ZNF875: variants seen among roughly 807,000 people sequenced by gnomAD.
ZNF875 encodes zinc finger protein 875, also known as HKR1, GLI-Kruppel zinc finger family member.
In ZNF875, 14 loss-of-function variants were observed where a neutral mutation model predicts 11.2. The ratio of observed to expected loss-of-function variants is 1.26; its 90% confidence interval spans 0.83 to 1.96. ZNF875 has a LOEUF of 1.96. ZNF875 is among the 30% of genes most tolerant of loss of function. ZNF875 has a pLI of 0.00. For missense variants in ZNF875, 752 were observed against 760.4 expected (o/e 0.99, Z 0.13); for synonymous variants, 301 against 281.1 (o/e 1.07, Z -0.71).
intron 4 of ZNF875, among the ~76,000 whole-genome samples, chr19:37,355,883 A>G (rs962441176): frequency 6.6e-6 from 1 of 152,194 alleles, no homozygotes; most frequent in East Asian, 1.9e-4. Flanking sequence ...CTATCACCCA[A>G]ATAGTTTACA....
chr19:37,314,811 G>A (rs1354905070), upstream of ZNF875: 2 of 150,048 alleles, frequency 1.3e-5, no homozygotes, highest in Non-Finnish European at 1.5e-5. Context: ...TATTCATCAA[G>A]TATAAAAATG....
At chr19:37,319,368 T>TATATATATATATAA (rs1390266781) in intron 1 of ZNF875, among the ~76,000 whole-genome samples, 1 of 144,020 alleles carries the variant, frequency 6.9e-6, no homozygotes, top group African/African-American at 2.6e-5. Context: ...TATATATATA[T>TATATATATATATAA]AATAAAAATG....
intron 2 of ZNF875, among the ~76,000 whole-genome samples, chr19:37,335,690 C>T (rs1193043461): frequency 1.3e-5 from 2 of 152,164 alleles, no homozygotes; most frequent in African/African-American, 4.8e-5. Context: ...CAACAATAGG[C>T]GCTAGATTTC....
intron 4 of ZNF875, 69 bp downstream of exon 4, chr19:37,347,941 C>T: frequency 2.2e-6 from 2 of 902,794 alleles, no homozygotes; most frequent in Non-Finnish European, 3.7e-6. Context: ...AGGCATCTCT[C>T]AGATACTGGG....
intron 4 of ZNF875, among the ~76,000 whole-genome samples, chr19:37,326,975 C>T (rs953115215): frequency 4.0e-5 from 6 of 151,204 alleles, no homozygotes; most frequent in Middle Eastern, 3.2e-3. Context: ...ACCTAGACAG[C>T]TTATTTTATT....
chr19:37,361,483 T>C (rs1372508190), intron 4 of ZNF875, among the ~76,000 whole-genome samples: 9 of 152,264 alleles, frequency 5.9e-5, no homozygotes, highest in African/African-American at 2.2e-4. Flanking sequence ...TCTTCCTTCC[T>C]TTCTCTTTCT....
chr19:37,352,619 C>T (rs187584494), intron 4 of ZNF875, among the ~76,000 whole-genome samples: 2 of 152,072 alleles, frequency 1.3e-5, no homozygotes, highest in African/African-American at 2.4e-5. Flanking sequence ...TTTTTATTTG[C>T]GTCTTTGTAT....
At chr19:37,347,710 T>C (rs2037079121) in intron 3 of ZNF875, 67 bp from the exon 4 acceptor site, 1 of 983,328 alleles carries the variant, frequency 1.0e-6, no homozygotes, top group Non-Finnish European at 1.6e-6. Flanking sequence ...CCATTTCAGC[T>C]CTGAGTTCTA....
intron 2 of ZNF875, among the ~76,000 whole-genome samples, chr19:37,340,909 A>G (rs1199989819): frequency 6.6e-6 from 1 of 151,878 alleles, no homozygotes; most frequent in African/African-American, 2.4e-5. Context: ...CGGCCTCCCA[A>G]AGTCCTGGGA....
upstream of ZNF875, among the ~76,000 whole-genome samples, chr19:37,330,407 C>G (rs543137765): frequency 4.6e-5 from 7 of 152,304 alleles, no homozygotes; most frequent in East Asian, 1.4e-3. Flanking sequence ...TTGCCTGTCA[C>G]CTTTTACACC....
chr19:37,340,574 G>C (rs1270564613), intron 2 of ZNF875, among the ~76,000 whole-genome samples: 1 of 150,962 alleles, frequency 6.6e-6, no homozygotes, highest in Non-Finnish European at 1.5e-5. Flanking sequence ...CCTGTTGTCT[G>C]ATGTCATGTT....
intron 1 of ZNF875, among the ~76,000 whole-genome samples, chr19:37,319,344 C>CATATATATATATAT (rs146774743): frequency 0.012 from 1,355 of 112,162 alleles, 58 homozygotes; most frequent in African/African-American, 0.049. Flanking sequence ...CTGCAGCCGG[C>CATATATATATATAT]ATATATATAT....
At position 37,349,964 on chromosome 19, in the gene ZNF875, C is replaced by CT. The variant is rs34941573; in HGVS notation, c.256+2111dup. Among the ~76,000 whole-genome samples, 78 of 77,546 alleles carry CT rather than the reference C, an allele frequency of 1.0e-3. 2 individuals are homozygous for CT. The highest frequency in any genetic ancestry group is 2.9e-3 in the African/African-American group (49 of 16,640). 50.9% of individuals were successfully genotyped at this position (77,546 alleles called of 152,430 possible). On this transcript the variant is annotated intron_variant, in intron 4 of 4. Transcript: ENST00000392153. The stretch of plus-strand genomic sequence containing the variant: ...GCCACCACGCCCGGCCCCCACTGGC[C>CT]TTTTTTTTTTTTTTTTTTTAATACA...
intron 4 of ZNF875, among the ~76,000 whole-genome samples, chr19:37,326,519 A>G (rs1027782951): frequency 7.2e-5 from 11 of 152,080 alleles, no homozygotes; most frequent in African/African-American, 2.7e-4. Context: ...ATAACATGTG[A>G]CGTGCCTTTT....
chr19:37,345,152 C>G (rs2036535242), intron 2 of ZNF875: 1 of 176,422 alleles, frequency 5.7e-6, no homozygotes, highest in African/African-American at 2.3e-5. Context: ...GTACAAAAGC[C>G]CCATCCCCTG....
At chr19:37,329,324 C>G (rs998356863) in intron 4 of ZNF875, among the ~76,000 whole-genome samples, 3 of 152,148 alleles carry the variant, frequency 2.0e-5, no homozygotes, top group Non-Finnish European at 4.4e-5. Context: ...TTTTGACATT[C>G]TGGGAAGGGT....
intron 2 of ZNF875, chr19:37,344,534 C>A: frequency 1.5e-6 from 1 of 664,022 alleles, no homozygotes; most frequent in South Asian, 1.7e-5. Context: ...ATGACGAAGT[C>A]TTTTGCTAGA....
chr19:37,323,749 T>C (rs1039355892), intron 3 of ZNF875, among the ~76,000 whole-genome samples: 8 of 152,186 alleles, frequency 5.3e-5, no homozygotes, highest in African/African-American at 1.9e-4. Context: ...TCTTTCTTGA[T>C]GATGTCACTG....
chr19:37,344,400 G>T (rs2036368733), intron 2 of ZNF875, among the ~76,000 whole-genome samples: 1 of 152,170 alleles, frequency 6.6e-6, no homozygotes, highest in Non-Finnish European at 1.5e-5. Context: ...GGATGCTGGT[G>T]CTGCAGGTTC....
Sources: gnomAD v4.1 joint callset for allele counts (sites outside exome capture counted in the v4.1 genomes callset) on GRCh38, gnomAD v4.1.1 for gene constraint, MANE v1.5 for transcripts, NCBI Gene and HGNC (gene_info 2026-07-23, HGNC 2026-07-21) for gene names.